Variants in VWA3A observed in about 807,000 individuals in gnomAD.
VWA3A encodes von Willebrand factor A domain-containing protein 3A.
A neutral mutation model predicts 160.4 loss-of-function variants in VWA3A; 134 were observed. The ratio of observed to expected loss-of-function variants is 0.84; its 90% CI spans 0.73 to 0.96. The LOEUF is 0.96. VWA3A is among the 40% of genes least tolerant of loss of function. The pLI, the probability that VWA3A is intolerant of heterozygous loss-of-function variation, is 0.00. For missense variants in VWA3A, 1,310 were observed against 1,447.9 expected, an observed-to-expected ratio of 0.90 and a Z score of 1.55; for synonymous variants, 476 against 543.4, an observed-to-expected ratio of 0.88 and a Z score of 1.72.
rs2045732135 is a variant in VWA3A, at chr16:22,121,436, C to T, written c.1253-78C>T. 1.3e-5 allele frequency: 15 copies of T among 1,195,168 alleles called. No homozygotes were observed. The East Asian group carries it at 2.8e-4, about 22-fold the overall frequency. 74.0% of individuals were successfully genotyped at this position (1,195,168 alleles called of 1,614,324 possible). A position where few individuals can be genotyped will look rare whatever the true frequency, so the allele number is the denominator to read the frequency against. Reference sequence around the variant, plus strand: ...TCTAGCCTGGGTGACAGAGCAAAACCCTGTCTCAAAAAAATAAAAGGCTTG... The same window carrying T: ...TCTAGCCTGGGTGACAGAGCAAAACTCTGTCTCAAAAAAATAAAAGGCTTG... On this transcript the variant is annotated intron_variant, in intron 13 of 33. Transcript: ENST00000389398.
chr16:22,114,832 C>T (rs995378097), intron 8 of VWA3A, among the ~76,000 whole-genome samples: 7 of 150,050 alleles, frequency 4.7e-5, no homozygotes, highest in Non-Finnish European at 7.4e-5. Flanking sequence ...TAGAGTCTCA[C>T]TCTGTTGCCC....
At chr16:22,149,738 C>G in intron 28 of VWA3A, 49 bp from the exon 29 acceptor site, 1 of 1,546,718 alleles carries the variant, frequency 6.5e-7, no homozygotes, top group Non-Finnish European at 8.8e-7. Context: ...TCTAACCAAT[C>G]TCTTTCTCCC....
At chr16:22,129,505 G>A (rs2045912086) in intron 17 of VWA3A, among the ~76,000 whole-genome samples, 1 of 152,064 alleles carries the variant, frequency 6.6e-6, no homozygotes, top group Non-Finnish European at 1.5e-5. Flanking sequence ...GAATGGTGAA[G>A]AGAAGATGAT....
intron 6 of VWA3A, among the ~76,000 whole-genome samples, chr16:22,107,998 T>C (rs1567530366): frequency 6.6e-6 from 1 of 152,224 alleles, no homozygotes; most frequent in Non-Finnish European, 1.5e-5. Context: ...GTTAAATTCT[T>C]GACACAGTCA....
chr16:22,142,049 A>G (rs1175135719), intron 24 of VWA3A, among the ~76,000 whole-genome samples: 1 of 152,178 alleles, frequency 6.6e-6, no homozygotes, highest in Non-Finnish European at 1.5e-5. Context: ...TGCAGATCCC[A>G]AGAACAATTC....
In VWA3A at chr16:22,132,953, G is replaced by C; in HGVS notation, c.1926G>C (p.Leu642=). ...AEACGGCDLQ[L]NVCLFYVGEP... is the part of the protein sequence containing the mutation. The stretch of plus-strand genomic sequence containing the variant: ...CCTGTGGCGGCTGCGACCTCCAGCT[G>C]AACGTGTGTCTCTTCTACGTGGGCG... The change falls in exon 20 of 34, where the codon CTG becomes CTC. Residue 642 remains leucine, a synonymous_variant. Transcript: ENST00000389398. 1 of 1,613,930 alleles carries C rather than the reference G, an allele frequency of 6.2e-7. No individual in the cohort carries two copies.
At chr16:22,143,595 T>C in intron 25 of VWA3A, among the ~76,000 whole-genome samples, 1 of 152,088 alleles carries the variant, frequency 6.6e-6, no homozygotes, top group East Asian at 1.9e-4. Flanking sequence ...ATATTGTAGG[T>C]GGGGTGCTCA....
At chr16:22,134,921 A>T (rs762321805) in intron 21 of VWA3A, among the ~76,000 whole-genome samples, 1 of 152,176 alleles carries the variant, frequency 6.6e-6, no homozygotes, top group Non-Finnish European at 1.5e-5. Context: ...AAAGGCTTAG[A>T]TGTCAAAAAT....
intron 24 of VWA3A, among the ~76,000 whole-genome samples, chr16:22,142,120 C>A (rs749346113): frequency 6.6e-6 from 1 of 152,148 alleles, no homozygotes; most frequent in African/African-American, 2.4e-5. Flanking sequence ...CCCTTTCTAC[C>A]TCTCAGCAAA....
rs145806753 is a variant in VWA3A at position 22,138,367 on chromosome 16, T to C, written c.2147T>C (p.Phe716Ser). The C allele has an allele frequency of 0.011, 17,580 of 1,590,988 alleles. 121 individuals are homozygous for C. Among genetic ancestry groups the C allele is most frequent in the Non-Finnish European group, 0.013 (15,563 of 1,169,138 alleles). The change falls in exon 22 of 34, where the codon TTC becomes TCC. Residue 716 changes from phenylalanine (F) to serine (S), a missense_variant. By Grantham distance (155) the Phe-to-Ser change is radical (BLOSUM62 -2). Coordinates refer to ENST00000389398, the MANE Select transcript of VWA3A (RefSeq NM_173615.5). ...KALNYSQKCA[F>S]LMASLKNHSG... The stretch of plus-strand genomic sequence containing the variant: ...CTCCCAATCCCACTGCAGTGTGCCT[T>C]CCTCATGGCCTCCCTGAAGAACCAT...
At chr16:22,142,143 C>T (rs1382530437) in intron 24 of VWA3A, among the ~76,000 whole-genome samples, 2 of 152,056 alleles carry the variant, frequency 1.3e-5, no homozygotes, top group Non-Finnish European at 1.5e-5. Context: ...GCACTAAGGA[C>T]TTTTACAACT....
At chr16:22,149,436 G>A (rs2046309477) in intron 28 of VWA3A, among the ~76,000 whole-genome samples, 1 of 152,050 alleles carries the variant, frequency 6.6e-6, no homozygotes, top group Non-Finnish European at 1.5e-5. Flanking sequence ...TAGAGATGGG[G>A]GTCTCACTAT....
chr16:22,133,420 C>T (rs999631287), intron 20 of VWA3A, among the ~76,000 whole-genome samples: 23 of 151,976 alleles, frequency 1.5e-4, no homozygotes, highest in African/African-American at 4.6e-4. Context: ...GAGAGGCCAA[C>T]GTGGTCAGAT....
intron 12 of VWA3A, among the ~76,000 whole-genome samples, chr16:22,119,626 C>T (rs1179097404): frequency 6.6e-6 from 1 of 152,174 alleles, no homozygotes; most frequent in African/African-American, 2.4e-5. Flanking sequence ...GCCATGATGG[C>T]ACTGCTGTGC....
In VWA3A at chr16:22,121,530, A is replaced by G. The variant is rs2045733858; in HGVS notation, c.1269A>G (p.Leu423=). Residue 423 remains leucine (L), a synonymous_variant, in exon 14 of 34, where the codon CTA becomes CTG. Coordinates refer to ENST00000389398, the MANE Select transcript of VWA3A (RefSeq NM_173615.5). The stretch of plus-strand genomic sequence containing the variant: ...TTTTTTCAGCCAAGAAATTAAGTCT[A>G]TATCAGGTCCTGGCACCCAATGCAT... ...VNGLKAKKLS[L]YQVLAPNAFS... is the part of the protein sequence containing the mutation. 1.9e-6 allele frequency: 3 copies of G among 1,613,450 alleles called. No individual in the cohort carries two copies. The highest frequency in any genetic ancestry group is 2.2e-5 in the South Asian group (2 of 91,070).
chr16:22,115,564 G>A, intron 9 of VWA3A, 92 bp downstream of exon 9: 1 of 1,384,428 alleles, frequency 7.2e-7, no homozygotes. Flanking sequence ...TGTCACAGTG[G>A]CTCATGCCTG....
chr16:22,108,184 G>A (rs141592394), intron 6 of VWA3A, among the ~76,000 whole-genome samples: 10 of 152,256 alleles, frequency 6.6e-5, no homozygotes, highest in African/African-American at 2.4e-4. Flanking sequence ...CTAAGATGGA[G>A]AGCAGAAAAA....
intron 22 of VWA3A, 160 bp downstream of exon 22, chr16:22,138,672 A>C: frequency 1.1e-6 from 1 of 932,392 alleles, no homozygotes; most frequent in South Asian, 2.0e-5. Flanking sequence ...CAGGGGGAAA[A>C]TCTCCCGCGG....
chr16:22,100,099 G>C (rs2045384153), intron 3 of VWA3A, 95 bp from the exon 4 acceptor site: 2 of 1,393,900 alleles, frequency 1.4e-6, no homozygotes, highest in Non-Finnish European at 1.9e-6. Flanking sequence ...GATAGGGTCA[G>C]TCTGAGTTGG....
Sources: gnomAD v4.1 joint callset for allele counts (sites outside exome capture counted in the v4.1 genomes callset) on GRCh38, gnomAD v4.1.1 for gene constraint, MANE v1.5 for transcripts, NCBI Gene and HGNC (gene_info 2026-07-23, HGNC 2026-07-21) for gene names.